The following P2RY8 variants were observed in gnomAD, a reference collection of about 807,000 sequenced individuals.
P2RY8 encodes P2Y receptor family member 8, also known as S-geranylgeranyl-glutathione receptor P2RY8.
A neutral mutation model predicts 10.0 loss-of-function variants in P2RY8; 6 were observed. The ratio of observed to expected loss-of-function variants is 0.60; its 90% confidence interval spans 0.33 to 1.19. The LOEUF is 1.19. Ranked by LOEUF, P2RY8 falls within the 50% of genes most tolerant of loss-of-function variation. The pLI is 0.04. For missense variants in P2RY8, 456 were observed against 542.0 expected (o/e 0.84, Z 1.58); for synonymous variants, 276 against 252.5 (o/e 1.09, Z -0.88).
chrX:1,534,945 A>G (rs2092513520), intron 1 of P2RY8, among the ~76,000 whole-genome samples: 1 of 152,072 alleles, frequency 6.6e-6, no homozygotes, highest in South Asian at 2.1e-4. Flanking sequence ...TGAATGGTGC[A>G]GCCAGGCGGG....
intron 1 of P2RY8, among the ~76,000 whole-genome samples, chrX:1,488,953 A>G (rs1294223876): frequency 6.7e-5 from 10 of 148,950 alleles, no homozygotes; most frequent in Admixed American, 5.3e-4. Flanking sequence ...GAATGAATGA[A>G]TGGCATCCAG....
intron 1 of P2RY8, among the ~76,000 whole-genome samples, chrX:1,472,567 G>A (rs1282231513): frequency 7.2e-6 from 1 of 138,676 alleles, no homozygotes; most frequent in African/African-American, 2.8e-5. Flanking sequence ...GAATGGGTGG[G>A]TAGGTGGGTG....
intron 1 of P2RY8, among the ~76,000 whole-genome samples, chrX:1,501,771 T>C (rs1402004931): frequency 2.6e-5 from 4 of 151,642 alleles, no homozygotes; most frequent in African/African-American, 9.7e-5. Context: ...TTTTTTGTAT[T>C]TTTAGTAGAG....
chrX:1,493,760 G>A (rs1474417566), intron 1 of P2RY8, among the ~76,000 whole-genome samples: 1 of 152,120 alleles, frequency 6.6e-6, no homozygotes, highest in Non-Finnish European at 1.5e-5. Flanking sequence ...TGCAAACTGG[G>A]AATCTCCGTT....
At chrX:1,478,618 A>C (rs1268534105) in intron 1 of P2RY8, among the ~76,000 whole-genome samples, 1 of 151,948 alleles carries the variant, frequency 6.6e-6, no homozygotes, top group Non-Finnish European at 1.5e-5. Flanking sequence ...ATCTGGGACT[A>C]CAGGCGCCTG....
intron 1 of P2RY8, among the ~76,000 whole-genome samples, chrX:1,519,124 T>C (rs1217577565): frequency 1.3e-5 from 2 of 151,812 alleles, no homozygotes; most frequent in Non-Finnish European, 1.5e-5. Flanking sequence ...CCCAATCATC[T>C]CCTTGGTCCC....
intron 1 of P2RY8, among the ~76,000 whole-genome samples, chrX:1,534,663 A>G (rs1305528585): frequency 6.6e-6 from 1 of 152,036 alleles, no homozygotes; most frequent in Non-Finnish European, 1.5e-5. Context: ...GTCCTGATGG[A>G]GAGGCAGGGC....
intron 1 of P2RY8, 119 bp from the exon 2 acceptor site, chrX:1,466,701 C>T: frequency 1.1e-6 from 1 of 921,488 alleles, no homozygotes; most frequent in Non-Finnish European, 1.6e-6. Context: ...TTTAGCAGGG[C>T]CTGCTGTCTC....
At chrX:1,501,737 G>GC (rs1240520672) in intron 1 of P2RY8, among the ~76,000 whole-genome samples, 1 of 151,800 alleles carries the variant, frequency 6.6e-6, no homozygotes, top group Non-Finnish European at 1.5e-5. Flanking sequence ...GGGATTACAG[G>GC]CGCGCACCAC....
rs192292155 is a variant in P2RY8, at chrX:1,522,962, G to T, written c.-25+13959C>A. ...CACATGCCTATAATCCCAGCTACTCGGGAGGCTGAGGCAGGAGAGTCACTT... is the reference window on the plus strand; with the variant it reads ...CACATGCCTATAATCCCAGCTACTCTGGAGGCTGAGGCAGGAGAGTCACTT... On this transcript the variant is annotated intron_variant, in intron 1 of 1. Transcript: ENST00000381297. 2.0e-5 allele frequency among the ~76,000 whole-genome samples: 3 copies of T among 151,378 alleles called. No individual in the cohort carries two copies. The Middle Eastern group carries it at 0.01, about 515-fold the overall frequency.
At chrX:1,507,929 C>T (rs1162185129) in intron 1 of P2RY8, among the ~76,000 whole-genome samples, 4 of 152,174 alleles carry the variant, frequency 2.6e-5, no homozygotes, top group East Asian at 3.9e-4. Context: ...ACACACCCCA[C>T]GTCTTTGCAG....
chrX:1,465,601 T>A lies in P2RY8; in HGVS notation c.958A>T (p.Thr320Ser), dbSNP rs2149369055. The change falls in exon 2 of 2, where the codon ACG becomes TCG. Residue 320 changes from threonine (T) to serine (S), a missense_variant. Thr to Ser is a moderately conservative substitution (Grantham distance 58, BLOSUM62 1). Coordinates refer to ENST00000381297, the MANE Select transcript of P2RY8 (RefSeq NM_178129.5). Reference sequence around the variant, plus strand: ...GCGGAGAAGAGGCTCTCGCGGCGCGTGTCCAGGGTGTCTCTGGGCACCCGG... The same window carrying A: ...GCGGAGAAGAGGCTCTCGCGGCGCGAGTCCAGGGTGTCTCTGGGCACCCGG... ...CRRVPRDTLD[T>S]RRESLFSART... 6.2e-7 allele frequency: 1 copy of A among 1,613,180 alleles called. No homozygotes were observed. The highest frequency in any genetic ancestry group is 8.5e-7 in the Non-Finnish European group (1 of 1,179,800).
chrX:1,533,441 T>A lies in P2RY8; in HGVS notation c.-25+3480A>T, dbSNP rs2092495361. Among the ~76,000 whole-genome samples, 10 of 144,116 alleles carry A rather than the reference T, an allele frequency of 6.9e-5. No homozygotes were observed. In the South Asian group the frequency reaches 2.1e-3, roughly 30 times the overall value. 94.5% of individuals were successfully genotyped at this position (144,116 alleles called of 152,430 possible). Reference sequence around the variant, plus strand: ...TATTATATATTTATATATTTATTATTTAAATATATTGTATATTTATATATT... The same window carrying A: ...TATTATATATTTATATATTTATTATATAAATATATTGTATATTTATATATT... On this transcript the variant is annotated intron_variant, in intron 1 of 1. Coordinates refer to ENST00000381297, the MANE Select transcript of P2RY8 (RefSeq NM_178129.5).
chrX:1,533,124 C>T lies in P2RY8; in HGVS notation c.-25+3797G>A, dbSNP rs777470640. Among the ~76,000 whole-genome samples the T allele has an allele frequency of 4.7e-5, 7 of 149,882 alleles. 1 individual carries two copies. In the South Asian group the frequency reaches 1.5e-3, roughly 31 times the overall value. On this transcript the variant is annotated intron_variant, in intron 1 of 1. Coordinates refer to ENST00000381297, the MANE Select transcript of P2RY8 (RefSeq NM_178129.5). ...AGGATGAGGGATAAAAGGCCACAAA[C>T]CGGGTTCAGTGTATACTGCTTGGGT... is the stretch of plus-strand genomic sequence containing the variant.
intron 1 of P2RY8, among the ~76,000 whole-genome samples, chrX:1,506,734 G>A (rs2092237111): frequency 2.0e-5 from 3 of 151,168 alleles, no homozygotes; most frequent in Admixed American, 2.0e-4. Flanking sequence ...CTGGAGTGCA[G>A]TGGCGCAATC....
intron 1 of P2RY8, among the ~76,000 whole-genome samples, chrX:1,468,469 C>T: frequency 6.6e-6 from 1 of 152,196 alleles, no homozygotes; most frequent in Admixed American, 6.5e-5. Flanking sequence ...GCCAGGACTG[C>T]TGAGGAACGC....
At chrX:1,516,816 G>A (rs762677745) in intron 1 of P2RY8, among the ~76,000 whole-genome samples, 3 of 151,832 alleles carry the variant, frequency 2.0e-5, no homozygotes, top group African/African-American at 4.8e-5. Context: ...GACACAGGGG[G>A]AAGACGTCAT....
intron 1 of P2RY8, among the ~76,000 whole-genome samples, chrX:1,514,110 C>A (rs2092320735): frequency 6.6e-6 from 1 of 152,140 alleles, no homozygotes; most frequent in Admixed American, 6.5e-5. Context: ...AATTGTCCCA[C>A]TTTTAGCCCT....
chrX:1,515,130 C>T (rs1267409217), intron 1 of P2RY8, among the ~76,000 whole-genome samples: 4 of 150,306 alleles, frequency 2.7e-5, no homozygotes, highest in African/African-American at 4.9e-5. Context: ...AGGCTGGTCT[C>T]GAACTCCTAA....
Sources: allele counts gnomAD v4.1 joint callset (sites outside exome capture counted in the v4.1 genomes callset), GRCh38; gene constraint gnomAD v4.1.1; transcripts MANE v1.5; gene names NCBI Gene and HGNC (gene_info 2026-07-23, HGNC 2026-07-21).